The following CACNA1G variants were observed in gnomAD, a reference collection of about 807,000 sequenced individuals.
CACNA1G encodes the protein voltage-dependent T-type calcium channel subunit alpha-1G.
Under a neutral mutation model 219.4 loss-of-function variants are expected in CACNA1G, and 67 were observed. The observed-to-expected ratio is 0.31, with a 90% CI of 0.25 to 0.37. The LOEUF (loss-of-function observed/expected upper bound fraction) is 0.37. CACNA1G is among the 10% of genes least tolerant of loss of function. The probability of loss-of-function intolerance (pLI) is 1.00; values close to 1 mark genes in which losing one functional copy is unlikely to be tolerated. For synonymous variants in CACNA1G, 1,296 were observed against 1,345.3 expected (o/e 0.96, Z 0.80); for missense variants, 2,380 against 3,231.4 (o/e 0.74, Z 6.39).
chr17:50,618,552 C>A lies in CACNA1G; in HGVS notation c.5428-103C>A. 9.4e-7 allele frequency: 1 copy of A among 1,061,046 alleles called. No homozygotes were observed. The highest frequency in any genetic ancestry group is 1.5e-5 in the South Asian group (1 of 67,648). The allele number at this position is 1,061,046 out of a possible 1,614,324, so 65.7% of individuals were successfully genotyped here. The stretch of plus-strand genomic sequence containing the variant: ...CCAAACACTCCCTCCTCCTCCCCTT[C>A]CTTCCCATCCTCCAATGCTCTGTGA... On this transcript the variant is annotated intron_variant, in intron 32 of 37. Coordinates refer to ENST00000359106, the MANE Select transcript of CACNA1G (RefSeq NM_018896.5). The surrounding 1 kb of genome is among the most constrained non-coding windows in gnomAD (Gnocchi z 5.3).
chr17:50,585,019 C>T (rs1355732057), intron 9 of CACNA1G, among the ~76,000 whole-genome samples: 3 of 152,128 alleles, frequency 2.0e-5, no homozygotes, highest in Non-Finnish European at 4.4e-5. Flanking sequence ...TGGGCTGGGG[C>T]TGGGCAGGGC....
In CACNA1G at chr17:50,595,075, C is replaced by A. The variant is rs2045240665; in HGVS notation, c.2979+14C>A. The A allele has an allele frequency of 6.5e-7, 1 of 1,547,812 alleles. No homozygotes were observed. Among genetic ancestry groups the A allele is most frequent in the East Asian group, 2.4e-5 (1 of 40,934 alleles). Reference sequence around the variant, plus strand: ...GACTCCCAGGGGGTAGGTACGCGATCATGAGCCGGCATGCCTCCCGTGCCC... The same window carrying A: ...GACTCCCAGGGGGTAGGTACGCGATAATGAGCCGGCATGCCTCCCGTGCCC... On this transcript the variant is annotated intron_variant, in intron 14 of 37. Coordinates refer to ENST00000359106, the MANE Select transcript of CACNA1G (RefSeq NM_018896.5).
intron 27 of CACNA1G, among the ~76,000 whole-genome samples, chr17:50,615,724 G>A (rs558230107): frequency 1.3e-5 from 2 of 152,270 alleles, no homozygotes; most frequent in African/African-American, 2.4e-5. Flanking sequence ...TGTGGCCAAG[G>A]TCACACAGAA....
chr17:50,606,932 G>A lies in CACNA1G; in HGVS notation c.4455G>A (p.Lys1485=), dbSNP rs1357179515. ...TGTCCCTGTTCGTTTTGGCCTCCAA[G>A]GATGGTTGGGTGGACATCATGTACG... The part of the protein sequence containing the change: ...ALMSLFVLAS[K]DGWVDIMYDG... The change falls in exon 24 of 38, where the codon AAG becomes AAA. Residue 1485 remains lysine, a synonymous_variant. Transcript: ENST00000359106. The A allele has an allele frequency of 6.2e-7, 1 of 1,613,990 alleles. No homozygotes were observed. Among genetic ancestry groups the A allele is most frequent in the South Asian group, 1.1e-5 (1 of 91,086 alleles).
rs184071613 is a variant in CACNA1G at position 50,616,980 on chromosome 17, A to G, written c.5022-458A>G. On this transcript the variant is annotated intron_variant, in intron 28 of 37. Transcript: ENST00000359106. ...CTCAGTCTCCCAGGTAGCTGGGACT[A>G]CGGGCACCCACTGCCACACGCAGCT... Among the ~76,000 whole-genome samples, 377 of 152,206 alleles carry G rather than the reference A, an allele frequency of 2.5e-3. 1 individual carries two copies. The highest frequency in any genetic ancestry group is 8.9e-3 in the African/African-American group (368 of 41,532).
rs9906398 is a variant in CACNA1G, at chr17:50,607,170, A to T, written c.4512+181A>T. 2,636 of 664,880 alleles carry T rather than the reference A, an allele frequency of 4.0e-3. 50 individuals carry two copies. In the African/African-American group the frequency reaches 0.042, roughly 10 times the overall value. 41.2% of individuals were successfully genotyped at this position (664,880 alleles called of 1,614,324 possible). ...TGGGCATGTTTTATTGGTCTACAACATGTTTAACATGTTTTGAATTAGTGA... is the reference window on the plus strand; with the variant it reads ...TGGGCATGTTTTATTGGTCTACAACTTGTTTAACATGTTTTGAATTAGTGA... On this transcript the variant is annotated intron_variant, in intron 24 of 37. Coordinates refer to ENST00000359106, the MANE Select transcript of CACNA1G (RefSeq NM_018896.5).
At position 50,578,188 on chromosome 17, in the gene CACNA1G, G is replaced by C. The variant is rs982025327; in HGVS notation, c.1925G>C (p.Gly642Ala). 3 of 1,565,460 alleles carry C rather than the reference G, an allele frequency of 1.9e-6. No homozygotes were observed. Among genetic ancestry groups the C allele is most frequent in the East Asian group, 2.3e-5 (1 of 44,392 alleles). Residue 642 changes from glycine (G) to alanine (A), a missense_variant and splice_region_variant, in exon 9 of 38, where the codon GGT (glycine) becomes GCT (alanine). Around this residue, in one of 17 missense-constraint regions of CACNA1G, gnomAD observed 434 missense variants for 417.3 expected, o/e 1.04. Coordinates refer to ENST00000359106, the MANE Select transcript of CACNA1G (RefSeq NM_018896.5). The surrounding 1 kb of genome is among the most constrained non-coding windows in gnomAD (Gnocchi z 4.5). ...MHKLLETQST[G>A]ACQSSCKISS... ...TCTCACCTCTACTCTCCTGTTCCAG[G>C]TGCCTGCCAAAGCTCTTGCAAGATC...
intron 9 of CACNA1G, among the ~76,000 whole-genome samples, chr17:50,581,690 G>A (rs2041999061): frequency 6.6e-6 from 1 of 152,234 alleles, no homozygotes; most frequent in Admixed American, 6.5e-5. Flanking sequence ...GGCAGGATTG[G>A]GTTTGCCCAG....
chr17:50,579,361 C>T (rs1398941087), intron 9 of CACNA1G, among the ~76,000 whole-genome samples: 1 of 152,022 alleles, frequency 6.6e-6, no homozygotes, highest in African/African-American at 2.4e-5. Flanking sequence ...CTTTTCTAAC[C>T]CTCAGAGCTA....
intron 35 of CACNA1G, 148 bp from the exon 36 acceptor site, chr17:50,623,759 G>A: frequency 1.3e-6 from 1 of 760,112 alleles, no homozygotes; most frequent in East Asian, 2.7e-5. Context: ...CCCCAGCCAT[G>A]CTCATGCCCA....
At position 50,621,453 on chromosome 17, in the gene CACNA1G, C is replaced by T. The variant is rs1018230587; in HGVS notation, c.5926-207C>T. 6.6e-6 allele frequency among the ~76,000 whole-genome samples: 1 copy of T among 152,080 alleles called. No homozygotes were observed. Among genetic ancestry groups the T allele is most frequent in the African/African-American group, 2.4e-5 (1 of 41,390 alleles). ...CAGTGCCTGCCGCAGCCTCTCTGAT[C>T]AGAGCAGGGGGTTGAAGTGGGTGCG... On this transcript the variant is annotated intron_variant, in intron 34 of 37. Transcript: ENST00000359106. The surrounding 1 kb of genome is among the most constrained non-coding windows in gnomAD (Gnocchi z 4.6).
At position 50,601,181 on chromosome 17, in the gene CACNA1G, C is replaced by T; in HGVS notation, c.3915+7C>T. 6.2e-7 allele frequency: 1 copy of T among 1,613,530 alleles called. No homozygotes were observed. The highest frequency in any genetic ancestry group is 8.5e-7 in the Non-Finnish European group (1 of 1,179,826). On this transcript the variant is annotated splice_region_variant and intron_variant, in intron 19 of 37. Transcript: ENST00000359106. ...AATTGACCCCCACAGCGCTGTGAGT[C>T]ACCAGCCCCGCTCAGGGCAAGGCCT...
chr17:50,592,813 C>T (rs565535284), intron 13 of CACNA1G, among the ~76,000 whole-genome samples: 1 of 152,328 alleles, frequency 6.6e-6, no homozygotes, highest in East Asian at 1.9e-4. Context: ...TTTGACCCAA[C>T]CTAGAAACGC....
In CACNA1G at chr17:50,618,722, T is replaced by C; in HGVS notation, c.5495T>C (p.Val1832Ala). 6.2e-7 allele frequency: 1 copy of C among 1,613,978 alleles called. No individual in the cohort carries two copies. Among genetic ancestry groups the C allele is most frequent in the Non-Finnish European group, 8.5e-7 (1 of 1,179,882 alleles). ...ACGGTCATCTCGCCTATCTACTTTG[T>C]GTCCTTCGTGCTGACGGCCCAGTTC... ...YNTVISPIYF[V>A]SFVLTAQFVL... is the part of the protein sequence containing the mutation. The change falls in exon 33 of 38, where the codon GTG becomes GCG. Residue 1832 changes from valine (V) to alanine (A), a missense_variant. Transcript: ENST00000359106. The surrounding 1 kb of genome is among the most constrained non-coding windows in gnomAD (Gnocchi z 5.3).
At position 50,626,370 on chromosome 17, in the gene CACNA1G, C is replaced by T; in HGVS notation, c.6753C>T (p.Ala2251=). The T allele has an allele frequency of 3.1e-6, 5 of 1,612,156 alleles. No individual in the cohort carries two copies. Among genetic ancestry groups the T allele is most frequent in the Non-Finnish European group, 4.2e-6 (5 of 1,179,318 alleles). ...RDLKKCYSVE[A]QSCQRRPTSW... is the part of the protein sequence containing the mutation. ...TGAAGAAGTGCTACAGCGTGGAGGC[C>T]CAGAGCTGCCAGCGCCGGCCTACGT... Residue 2251 remains alanine, a synonymous_variant, in exon 38 of 38, where the codon GCC becomes GCT. Coordinates refer to ENST00000359106, the MANE Select transcript of CACNA1G (RefSeq NM_018896.5). The surrounding 1 kb of genome is among the most constrained non-coding windows in gnomAD (Gnocchi z 4.3).
chr17:50,608,108 C>T (rs531487118), intron 25 of CACNA1G, 89 bp downstream of exon 25: 25 of 1,243,550 alleles, frequency 2.0e-5, no homozygotes, highest in South Asian at 4.4e-5. Flanking sequence ...GGGGGCTGGG[C>T]GCTGGGGCCG....
chr17:50,592,107 T>G lies in CACNA1G; in HGVS notation c.2910+15T>G. 1 of 1,604,278 alleles carries G rather than the reference T, an allele frequency of 6.2e-7. No homozygotes were observed. Among genetic ancestry groups the G allele is most frequent in the Non-Finnish European group, 8.5e-7 (1 of 1,174,590 alleles). On this transcript the variant is annotated intron_variant, in intron 13 of 37. Transcript: ENST00000359106. The stretch of plus-strand genomic sequence containing the variant: ...TCCAGGCGGAGGTAACCCACTGCTC[T>G]GCCCACCTCACCCTGCCCACAGCAG...
chr17:50,624,249 C>T, intron 36 of CACNA1G, 111 bp from the exon 37 acceptor site: 1 of 1,257,424 alleles, frequency 8.0e-7, no homozygotes, highest in East Asian at 2.5e-5. Flanking sequence ...GGGTAGAGGC[C>T]CTGATGAGGG....
rs536667189 is a variant in CACNA1G at position 50,613,074 on chromosome 17, G to A, written c.4760-2287G>A. On this transcript the variant is annotated intron_variant, in intron 26 of 37. Coordinates refer to ENST00000359106, the MANE Select transcript of CACNA1G (RefSeq NM_018896.5). Reference sequence around the variant, plus strand: ...GCCTTTGGGCAGACCATCCAGGGGTGTCCTCTGGGCCAAGGCCTCAAAGCC... The same window carrying A: ...GCCTTTGGGCAGACCATCCAGGGGTATCCTCTGGGCCAAGGCCTCAAAGCC... Among the ~76,000 whole-genome samples the A allele has an allele frequency of 2.2e-3, 342 of 152,340 alleles. 1 individual carries two copies. The highest frequency in any genetic ancestry group is 3.9e-3 in the Non-Finnish European group (265 of 68,036).
Sources: allele counts gnomAD v4.1 joint callset (sites outside exome capture counted in the v4.1 genomes callset), GRCh38; gene constraint gnomAD v4.1.1; regional missense constraint gnomAD v4.1.1; non-coding constraint Gnocchi (gnomAD v3.1); transcripts MANE v1.5; gene names NCBI Gene and HGNC (gene_info 2026-07-23, HGNC 2026-07-21).